DDX42: variants seen among roughly 807,000 people sequenced by gnomAD.
DDX42 encodes DEAD-box helicase 42, also known as ATP-dependent RNA helicase DDX42.
A neutral mutation model predicts 101.5 loss-of-function variants in DDX42; 22 were observed. The observed-to-expected ratio is 0.22, with a 90% CI of 0.15 to 0.31. DDX42 has a LOEUF of 0.31. Ranked by LOEUF, DDX42 falls within the 10% of genes least tolerant of loss-of-function variation. The probability of loss-of-function intolerance (pLI) is 1.00; values close to 1 mark genes in which losing one functional copy is unlikely to be tolerated. For synonymous variants in DDX42, 402 were observed against 401.2 expected, an observed-to-expected ratio of 1.00 and a Z score of -0.02; for missense variants, 849 against 1,199.9, an observed-to-expected ratio of 0.71 and a Z score of 4.32.
chr17:63,793,825 CAA>C lies in DDX42; in HGVS notation c.372+1266_372+1267del, dbSNP rs1046918420. ...AATGTTCATTATTTAATTTAATCCT[CAA>C]AATAATGGTGGGAAATAGGCAGAAA... On this transcript the variant is annotated intron_variant, in intron 3 of 17. Coordinates refer to ENST00000389924, the MANE Select transcript of DDX42 (RefSeq NM_203499.3). Among the ~76,000 whole-genome samples, 3 of 149,390 alleles carry C rather than the reference CAA, an allele frequency of 2.0e-5. No homozygotes were observed. The East Asian group carries it at 5.8e-4, about 29-fold the overall frequency.
In DDX42 at chr17:63,811,906, C is replaced by T. The variant is rs139868483; in HGVS notation, c.1399-26C>T. ...TGCCCTGTGGCTCCAATGTCACAAT[C>T]ATCTGTTTCATTTCTTCCTTCTCAG... On this transcript the variant is annotated intron_variant, in intron 13 of 17. Coordinates refer to ENST00000389924, the MANE Select transcript of DDX42 (RefSeq NM_203499.3). The T allele has an allele frequency of 5.7e-4, 917 of 1,614,080 alleles. 8 individuals are homozygous for T. The African/African-American group carries it at 0.011, about 20-fold the overall frequency.
chr17:63,777,439 TC>T (rs1473783786), intron 1 of DDX42, among the ~76,000 whole-genome samples: 2 of 151,790 alleles, frequency 1.3e-5, no homozygotes, highest in Non-Finnish European at 2.9e-5. Flanking sequence ...AGATGCCATT[TC>T]TTTTTCTTTC....
chr17:63,778,790 G>A (rs867652270), intron 1 of DDX42, among the ~76,000 whole-genome samples: 4 of 152,062 alleles, frequency 2.6e-5, no homozygotes, highest in South Asian at 4.1e-4. Flanking sequence ...ATGGGTGCGC[G>A]CCATCACGCC....
intron 11 of DDX42, 38 bp downstream of exon 11, chr17:63,809,697 C>G (rs776203685): frequency 6.5e-6 from 10 of 1,527,076 alleles, no homozygotes; most frequent in Non-Finnish European, 9.1e-6. Flanking sequence ...TCCCCATCCT[C>G]ATGATACTAG....
intron 15 of DDX42, among the ~76,000 whole-genome samples, chr17:63,814,724 C>CT (rs1335526746): frequency 2.1e-4 from 25 of 121,374 alleles, no homozygotes; most frequent in South Asian, 1.8e-3. Flanking sequence ...GAGTCACACT[C>CT]TATCACCCAG....
chr17:63,817,030 C>T lies in DDX42; in HGVS notation c.2112+64C>T, dbSNP rs1598345492. The T allele has an allele frequency of 2.8e-6, 4 of 1,410,570 alleles. No homozygotes were observed. The East Asian group carries it at 9.6e-5, about 34-fold the overall frequency. The allele number at this position is 1,410,570 out of a possible 1,614,324, so 87.4% of individuals were successfully genotyped here. ...TAACTCTTGGGCAGTGACAGAGGGG[C>T]TTAGTTTTCCTGGTTGTAGCTGGGC... On this transcript the variant is annotated intron_variant, in intron 17 of 17. Coordinates refer to ENST00000389924, the MANE Select transcript of DDX42 (RefSeq NM_203499.3).
In DDX42 at chr17:63,800,313, CTAT is replaced by C. The variant is rs66526877; in HGVS notation, c.472-149_472-147del. ...CTTCTGATTGTTCTTCTGAATATTG[CTAT>C]TATTAAAGGAATCATTGCTAGTAAG... On this transcript the variant is annotated intron_variant, in intron 5 of 17. Transcript: ENST00000389924. 8,688 of 593,658 alleles carry C rather than the reference CTAT, an allele frequency of 0.015. 592 individuals carry two copies. The African/African-American group carries it at 0.15, about 10-fold the overall frequency. 36.8% of individuals were successfully genotyped at this position (593,658 alleles called of 1,614,324 possible).
chr17:63,810,205 C>A, intron 11 of DDX42: 1 of 206,648 alleles, frequency 4.8e-6, no homozygotes, highest in Non-Finnish European at 9.5e-6. Flanking sequence ...TCTGCCTCAG[C>A]CTCCTGAGTA....
At chr17:63,803,683 G>A (rs922818572) in intron 6 of DDX42, among the ~76,000 whole-genome samples, 1 of 147,526 alleles carries the variant, frequency 6.8e-6, no homozygotes, top group African/African-American at 2.5e-5. Context: ...GTCCTGCTCT[G>A]TCGCCCAGGC....
intron 1 of DDX42, among the ~76,000 whole-genome samples, chr17:63,781,899 A>G (rs572609600): frequency 6.6e-6 from 1 of 152,258 alleles, no homozygotes; most frequent in East Asian, 1.9e-4. Context: ...AGTCCCAGCT[A>G]CTGGGGAGGC....
intron 6 of DDX42, among the ~76,000 whole-genome samples, chr17:63,803,672 A>T (rs1044686979): frequency 1.4e-5 from 2 of 147,658 alleles, no homozygotes; most frequent in South Asian, 4.4e-4. Flanking sequence ...TTTGAGATGG[A>T]GTCCTGCTCT....
intron 4 of DDX42, chr17:63,799,378 A>G (rs1291598171): frequency 2.3e-6 from 1 of 438,146 alleles, no homozygotes; most frequent in Non-Finnish European, 4.0e-6. Flanking sequence ...ATATCATCCC[A>G]TTTAAAAGAA....
intron 10 of DDX42, among the ~76,000 whole-genome samples, chr17:63,809,278 C>T (rs1382011286): frequency 2.0e-5 from 3 of 152,114 alleles, no homozygotes; most frequent in East Asian, 1.9e-4. Context: ...ACATTGAAAC[C>T]TGTCATTATG....
chr17:63,793,401 G>C (rs769815184), intron 3 of DDX42, among the ~76,000 whole-genome samples: 48 of 152,112 alleles, frequency 3.2e-4, no homozygotes, highest in Middle Eastern at 3.4e-3. Flanking sequence ...CTGAATAGCT[G>C]AGATTGCAGG....
chr17:63,774,243 T>G lies in DDX42; in HGVS notation c.-150T>G. 4.1e-6 allele frequency: 1 copy of G among 243,950 alleles called. No individual in the cohort carries two copies. The highest frequency in any genetic ancestry group is 7.5e-6 in the Non-Finnish European group (1 of 132,822). 15.1% of individuals were successfully genotyped at this position (243,950 alleles called of 1,614,324 possible). A position where few individuals can be genotyped will look rare whatever the true frequency, so the allele number is the denominator to read the frequency against. ...GCGGTGGCGGCGGCGGTGGTGGTGGTGGCGGCGGCGGCGGCGAAGGGGGCG... is the reference window on the plus strand; with the variant it reads ...GCGGTGGCGGCGGCGGTGGTGGTGGGGGCGGCGGCGGCGGCGAAGGGGGCG... On this transcript the variant is annotated 5_prime_UTR_variant, in exon 1 of 18. Transcript: ENST00000389924.
chr17:63,813,077 GGT>G (rs2039932314), intron 14 of DDX42, 149 bp from the exon 15 acceptor site: 2 of 642,908 alleles, frequency 3.1e-6, no homozygotes, highest in African/African-American at 1.8e-5. Flanking sequence ...AATCTGTGGT[GGT>G]GACTTAACAT....
intron 5 of DDX42, 48 bp downstream of exon 5, chr17:63,799,673 C>T (rs756192185): frequency 5.0e-6 from 8 of 1,587,554 alleles, no homozygotes; most frequent in Non-Finnish European, 6.9e-6. Context: ...TCCACAAAGT[C>T]TATACTGGGG....
intron 2 of DDX42, among the ~76,000 whole-genome samples, chr17:63,789,195 C>T (rs1198742925): frequency 1.3e-5 from 2 of 151,972 alleles, no homozygotes; most frequent in Non-Finnish European, 1.5e-5. Context: ...TCTCACGCCT[C>T]AGCCTCCCAT....
At chr17:63,786,920 C>G (rs2039554165) in intron 1 of DDX42, 114 bp from the exon 2 acceptor site, 1 of 999,006 alleles carries the variant, frequency 1.0e-6, no homozygotes, top group Non-Finnish European at 1.5e-6. Flanking sequence ...TCATGGTCCA[C>G]CTGCCTTGGC....
Sources: allele counts gnomAD v4.1 joint callset (sites outside exome capture counted in the v4.1 genomes callset), GRCh38; gene constraint gnomAD v4.1.1; transcripts MANE v1.5; gene names NCBI Gene and HGNC (gene_info 2026-07-23, HGNC 2026-07-21).